The following RPUSD3 variants were observed in gnomAD, a reference collection of about 807,000 sequenced individuals.
RPUSD3 encodes the protein mitochondrial mRNA pseudouridine synthase RPUSD3.
RPUSD3 carries 36 observed loss-of-function variants against 35.1 expected under a neutral mutation model. The observed-to-expected ratio is 1.02, with a 90% CI of 0.79 to 1.35. The LOEUF (loss-of-function observed/expected upper bound fraction) is 1.35, where lower values mean the gene tolerates loss of function less well. Ranked by LOEUF, RPUSD3 falls within the 40% of genes most tolerant of loss-of-function variation. The pLI, the probability that RPUSD3 is intolerant of heterozygous loss-of-function variation, is 0.00. For missense variants in RPUSD3, 486 were observed against 441.9 expected (o/e 1.10, Z -0.89); for synonymous variants, 202 against 187.8 (o/e 1.08, Z -0.62).
At chr3:9,840,661 C>T (rs773156210) in intron 5 of RPUSD3, 37 bp downstream of exon 5, 1 of 1,611,524 alleles carries the variant, frequency 6.2e-7, no homozygotes, top group Admixed American at 1.7e-5. Flanking sequence ...TTGCTGGGAC[C>T]TCCCCACCAC....
chr3:9,839,223 C>G lies in RPUSD3; in HGVS notation c.725-52G>C, dbSNP rs754786758. The G allele has an allele frequency of 5.1e-6, 8 of 1,566,544 alleles. No homozygotes were observed. In the African/African-American group the frequency reaches 1.1e-4, roughly 21 times the overall value. On this transcript the variant is annotated intron_variant, in intron 7 of 8. Coordinates refer to ENST00000383820, the Ensembl canonical transcript of RPUSD3. ...CAGTGGGCAGCTACTCGTTCTGTGC[C>G]ACCCAGTATCACTCCTCCCCTTTTC...
At chr3:9,840,869 T>G in intron 4 of RPUSD3, 64 bp from the exon 5 acceptor site, 1 of 1,267,194 alleles carries the variant, frequency 7.9e-7, no homozygotes, top group Non-Finnish European at 1.1e-6. Context: ...AAAAGGAAAC[T>G]CTTAGGAACA....
intron 7 of RPUSD3, chr3:9,839,927 C>A: frequency 2.9e-6 from 1 of 345,758 alleles, no homozygotes; most frequent in Non-Finnish European, 5.3e-6. Context: ...ATCACCTAGA[C>A]TGGAGTGCAG....
intron 8 of RPUSD3, 131 bp from the exon 9 acceptor site, chr3:9,838,338 C>T: frequency 1.2e-6 from 1 of 847,744 alleles, no homozygotes; most frequent in Non-Finnish European, 1.8e-6. Flanking sequence ...TAATCATTTC[C>T]TCTTTGCACA....
chr3:9,839,979 C>G (rs903942316), intron 7 of RPUSD3: 6 of 507,776 alleles, frequency 1.2e-5, no homozygotes, highest in Non-Finnish European at 1.7e-5. Flanking sequence ...CTCCCAGGTT[C>G]AAGCGATTCT....
intron 8 of RPUSD3, among the ~76,000 whole-genome samples, 175 bp from the exon 9 acceptor site, chr3:9,838,382 C>T (rs1381396171): frequency 6.6e-6 from 1 of 152,214 alleles, no homozygotes; most frequent in African/African-American, 2.4e-5. Context: ...ACTCACACTG[C>T]AGCAGAGACT....
chr3:9,843,994 C>T, exon 1 of RPUSD3: 1 of 1,594,886 alleles, frequency 6.3e-7, no homozygotes, highest in Admixed American at 1.7e-5. Context: ...CGTCCATCTC[C>T]CGAGCCAGGA....
intron 2 of RPUSD3, chr3:9,842,563 CCT>C (rs1400896314): frequency 2.2e-6 from 1 of 451,860 alleles, no homozygotes; most frequent in East Asian, 4.1e-5. Context: ...ATCATAACAC[CCT>C]GTTTTAGTTT....
chr3:9,840,331 C>A (rs1005164261), intron 6 of RPUSD3, 24 bp from the exon 7 acceptor site: 1 of 1,614,128 alleles, frequency 6.2e-7, no homozygotes, highest in African/African-American at 1.3e-5. Flanking sequence ...CAAGAGTGAA[C>A]AAGCCTTACA....
chr3:9,840,132 A>G, intron 7 of RPUSD3, 52 bp downstream of exon 7: 1 of 1,585,080 alleles, frequency 6.3e-7, no homozygotes, highest in Non-Finnish European at 8.6e-7. Flanking sequence ...CACCTGCCTC[A>G]GCCTCCCAAA....
At chr3:9,841,479 TTG>T (rs57641804) in intron 4 of RPUSD3, 2,308 of 154,774 alleles carry the variant, frequency 0.015, 51 homozygotes, top group African/African-American at 0.052. Context: ...AGCTAGGTTT[TTG>T]TGTGTGTGTG....
exon 1 of RPUSD3, chr3:9,843,941 C>A: frequency 6.2e-7 from 1 of 1,602,880 alleles, no homozygotes; most frequent in East Asian, 2.3e-5. Flanking sequence ...GACACCCAGG[C>A]CCCGCCGCCA....
chr3:9,843,912 C>A (rs1216368941), exon 1 of RPUSD3: 2 of 1,605,024 alleles, frequency 1.2e-6, no homozygotes, highest in East Asian at 2.2e-5. Context: ...CCAAAGCCTG[C>A]GTCCTCGGGC....
In RPUSD3 at chr3:9,840,695, CA is replaced by C. The variant is rs768460151; in HGVS notation, c.515+2del. ...ACTCTAGGAACCTCCCAGCACCTCTCACCAGTAGGTGGCTGTGGGCCTTTGG... is the reference window on the plus strand; with the variant it reads ...ACTCTAGGAACCTCCCAGCACCTCTCCCAGTAGGTGGCTGTGGGCCTTTGG... On this transcript the variant is annotated splice_donor_variant, in intron 5 of 8. Coordinates refer to ENST00000383820, the Ensembl canonical transcript of RPUSD3. LOFTEE classifies it high-confidence loss of function. The C allele has an allele frequency of 1.9e-6, 3 of 1,613,970 alleles. No homozygotes were observed. The highest frequency in any genetic ancestry group is 1.7e-6 in the Non-Finnish European group (2 of 1,179,866).
chr3:9,839,158 T>C, exon 8 of RPUSD3: 4 of 1,611,750 alleles, frequency 2.5e-6, no homozygotes, highest in African/African-American at 1.3e-5. Context: ...GCACCTGTAG[T>C]TGACTGGAGA....
chr3:9,842,777 G>A (rs1054708199), intron 2 of RPUSD3: 1 of 158,324 alleles, frequency 6.3e-6, no homozygotes, highest in African/African-American at 2.4e-5. Context: ...TGAATAGAGA[G>A]TGGGGTTCAG....
intron 2 of RPUSD3, chr3:9,842,798 TTA>T (rs2082121941): frequency 6.4e-6 from 1 of 156,826 alleles, no homozygotes; most frequent in African/African-American, 2.4e-5. Flanking sequence ...AGAAATTCAG[TTA>T]TTTTCCTAAA....
In RPUSD3 at chr3:9,843,608, A is replaced by G. The variant is rs765198444; in HGVS notation, c.126-7T>C. On this transcript the variant is annotated splice_polypyrimidine_tract_variant and splice_region_variant and intron_variant, in intron 1 of 8. Transcript: ENST00000383820. Reference sequence around the variant, plus strand: ...GCGGGGTTGCCTCTGATGCCTGGACAAGGAGGGAGAAGCAATGGGAGTCAT... The same window carrying G: ...GCGGGGTTGCCTCTGATGCCTGGACGAGGAGGGAGAAGCAATGGGAGTCAT... The G allele has an allele frequency of 2.1e-5, 34 of 1,613,220 alleles. No homozygotes were observed. The highest frequency in any genetic ancestry group is 2.7e-5 in the Non-Finnish European group (32 of 1,179,872).
At chr3:9,840,283 G>T in exon 7 of RPUSD3, 1 of 1,614,028 alleles carries the variant, frequency 6.2e-7, no homozygotes, top group Non-Finnish European at 8.5e-7. Context: ...ATGTCCTTTC[G>T]GGATGGGGCC....
Sources: gnomAD v4.1 joint callset for allele counts (sites outside exome capture counted in the v4.1 genomes callset) on GRCh38, gnomAD v4.1.1 for gene constraint, MANE v1.5 for transcripts, NCBI Gene and HGNC (gene_info 2026-07-23, HGNC 2026-07-21) for gene names.